Variants in CALN1 observed in about 807,000 individuals in gnomAD.
The protein encoded by CALN1 is calcium-binding protein 8.
Under a neutral mutation model 30.6 loss-of-function variants are expected in CALN1, and 17 were observed. That is an observed-to-expected ratio of 0.56 (90% CI 0.38 to 0.83). The LOEUF is 0.83. CALN1 is among the 40% of genes least tolerant of loss of function. The probability of loss-of-function intolerance (pLI) is 0.00; values close to 1 mark genes in which losing one functional copy is unlikely to be tolerated. For missense variants in CALN1, 291 were observed against 354.9 expected, an observed-to-expected ratio of 0.82 and a Z score of 1.45; for synonymous variants, 156 against 131.4, an observed-to-expected ratio of 1.19 and a Z score of -1.28.
intron 5 of CALN1, among the ~76,000 whole-genome samples, chr7:71,899,303 C>T (rs1793722222): frequency 6.6e-6 from 1 of 152,136 alleles, no homozygotes; most frequent in South Asian, 2.1e-4. Flanking sequence ...GCCACCGTGC[C>T]TGGCGAATTT....
chr7:71,847,719 G>GAAGAAAGAAGAAAGAAGA (rs71092924), intron 5 of CALN1, among the ~76,000 whole-genome samples: 6,065 of 120,482 alleles, frequency 0.05, 324 homozygotes, highest in East Asian at 0.26. Flanking sequence ...AAAGAAGAAA[G>GAAGAAAGAAGAAAGAAGA]AAGAAGAAAG....
chr7:72,366,908 C>A (rs1803909197), intron 2 of CALN1, among the ~76,000 whole-genome samples: 1 of 151,856 alleles, frequency 6.6e-6, no homozygotes, highest in Admixed American at 6.6e-5. Flanking sequence ...TAGCCCCAAG[C>A]TGGAAACCAC....
At chr7:71,838,120 C>T (rs535611141) in intron 5 of CALN1, among the ~76,000 whole-genome samples, 32 of 151,836 alleles carry the variant, frequency 2.1e-4, no homozygotes, top group African/African-American at 4.6e-4. Flanking sequence ...TTTTGTTCTG[C>T]GGAAAAGAGT....
At chr7:72,355,749 C>G (rs796175769) in intron 2 of CALN1, among the ~76,000 whole-genome samples, 10 of 152,196 alleles carry the variant, frequency 6.6e-5, no homozygotes, top group African/African-American at 2.2e-4. Context: ...TCTGTAGTGA[C>G]AGAAATTAAA....
intron 1 of CALN1, among the ~76,000 whole-genome samples, chr7:72,408,912 A>C (rs975521239): frequency 1.3e-5 from 2 of 151,820 alleles, no homozygotes; most frequent in African/African-American, 4.8e-5. Context: ...TCTTGGGCTC[A>C]AGTAATCTAC....
chr7:71,887,893 G>A (rs1476228401), intron 5 of CALN1, among the ~76,000 whole-genome samples: 1 of 152,104 alleles, frequency 6.6e-6, no homozygotes, highest in African/African-American at 2.4e-5. Flanking sequence ...AAAATGTGTT[G>A]CAATAAATGA....
chr7:72,421,117 T>TA (rs958646491), intron 1 of CALN1, among the ~76,000 whole-genome samples: 6 of 152,226 alleles, frequency 3.9e-5, no homozygotes, highest in East Asian at 1.9e-4. Context: ...ATTCCTTTCT[T>TA]AAAAAAATGG....
At chr7:71,790,717 G>A (rs529610620) in intron 6 of CALN1, among the ~76,000 whole-genome samples, 1 of 152,300 alleles carries the variant, frequency 6.6e-6, no homozygotes, top group East Asian at 1.9e-4. Context: ...CAGCCCTATT[G>A]CAGAATTACT....
At chr7:71,926,803 T>C (rs1308084063) in intron 5 of CALN1, among the ~76,000 whole-genome samples, 3 of 152,246 alleles carry the variant, frequency 2.0e-5, no homozygotes, top group Non-Finnish European at 2.9e-5. Flanking sequence ...CAAAGTCATT[T>C]TTCATCTCTG....
intron 5 of CALN1, among the ~76,000 whole-genome samples, chr7:71,980,960 C>G (rs1016028463): frequency 1.1e-4 from 17 of 152,174 alleles, no homozygotes; most frequent in African/African-American, 3.9e-4. Flanking sequence ...AACCCTGGGG[C>G]TGACATGGAG....
chr7:71,808,140 C>T (rs940578886), intron 6 of CALN1, among the ~76,000 whole-genome samples: 2 of 151,854 alleles, frequency 1.3e-5, no homozygotes, highest in African/African-American at 4.8e-5. Context: ...TGGTTAGGTA[C>T]CTAACCATGG....
chr7:72,048,657 C>T (rs1379234779), intron 4 of CALN1, among the ~76,000 whole-genome samples: 2 of 150,126 alleles, frequency 1.3e-5, no homozygotes, highest in African/African-American at 4.9e-5. Flanking sequence ...CCTTCCTTTT[C>T]CTCCCTCCCT....
At chr7:72,304,468 G>A (rs898982946) in intron 2 of CALN1, among the ~76,000 whole-genome samples, 2 of 152,070 alleles carry the variant, frequency 1.3e-5, no homozygotes, top group African/African-American at 4.8e-5. Context: ...CAACAGGAAG[G>A]CCCCATCTCT....
At chr7:72,340,813 A>G (rs1245333936) in intron 2 of CALN1, among the ~76,000 whole-genome samples, 1 of 152,052 alleles carries the variant, frequency 6.6e-6, no homozygotes, top group Admixed American at 6.6e-5. Context: ...TTCCATTTTC[A>G]TGGTAGTGAG....
intron 2 of CALN1, among the ~76,000 whole-genome samples, chr7:72,401,166 TCA>T (rs1290194040): frequency 2.0e-5 from 3 of 152,196 alleles, no homozygotes; most frequent in East Asian, 1.9e-4. Context: ...CTCAAGGGTC[TCA>T]CAATACCCAG....
At chr7:72,422,222 C>G (rs1344571793) in intron 1 of CALN1, among the ~76,000 whole-genome samples, 1 of 152,124 alleles carries the variant, frequency 6.6e-6, no homozygotes, top group African/African-American at 2.4e-5. Flanking sequence ...CCATAGTGGC[C>G]GTACTACTAG....
At chr7:72,331,657 T>C (rs545544491) in intron 2 of CALN1, among the ~76,000 whole-genome samples, 20 of 152,210 alleles carry the variant, frequency 1.3e-4, no homozygotes, top group Admixed American at 9.8e-4. Flanking sequence ...TATTTACTTA[T>C]TCATTTTATT....
intron 5 of CALN1, among the ~76,000 whole-genome samples, chr7:71,811,643 T>C (rs926710171): frequency 2.6e-5 from 4 of 151,140 alleles, no homozygotes; most frequent in African/African-American, 9.8e-5. Context: ...CCACTCCATT[T>C]ATATTAGGTT....
chr7:71,907,433 C>G (rs763459218), intron 5 of CALN1, among the ~76,000 whole-genome samples: 9 of 152,160 alleles, frequency 5.9e-5, no homozygotes, highest in Non-Finnish European at 1.3e-4. Flanking sequence ...GTCAGTGATT[C>G]TCCATGCATC....
Sources: gnomAD v4.1 joint callset for allele counts (sites outside exome capture counted in the v4.1 genomes callset) on GRCh38, gnomAD v4.1.1 for gene constraint, MANE v1.5 for transcripts, NCBI Gene and HGNC (gene_info 2026-07-23, HGNC 2026-07-21) for gene names.